Variants in TMEFF2 observed in about 807,000 individuals in gnomAD.
TMEFF2 encodes transmembrane protein with EGF like and two follistatin like domains 2, also known as tomoregulin-2.
A neutral mutation model predicts 53.8 loss-of-function variants in TMEFF2; 28 were observed. The observed-to-expected ratio is 0.52, with a 90% CI of 0.39 to 0.71. The LOEUF (loss-of-function observed/expected upper bound fraction) is 0.71, where lower values mean the gene tolerates loss of function less well. Among genes scored for constraint, TMEFF2 ranks in the 30% least tolerant of loss-of-function variants. The pLI is 0.00. For synonymous variants in TMEFF2, 162 were observed against 166.3 expected (o/e 0.97, Z 0.20); for missense variants, 353 against 455.2 (o/e 0.78, Z 2.04).
chr2:192,037,273 T>TAAAAGAAAGAAAGAAAG (rs568551324), intron 5 of TMEFF2, among the ~76,000 whole-genome samples: 38 of 94,764 alleles, frequency 4.0e-4, no homozygotes, highest in South Asian at 1.5e-3. Context: ...CTAGCCAAAA[T>TAAAAGAAAGAAAGAAAG]AAAGAAAGAA....
intron 7 of TMEFF2, among the ~76,000 whole-genome samples, chr2:191,960,375 C>G (rs907751118): frequency 2.0e-5 from 3 of 152,178 alleles, no homozygotes; most frequent in Non-Finnish European, 4.4e-5. Context: ...ATGGCTTTGA[C>G]AAAACAACAT....
chr2:192,160,421 T>C (rs908684570), intron 4 of TMEFF2, among the ~76,000 whole-genome samples: 11 of 152,084 alleles, frequency 7.2e-5, no homozygotes, highest in African/African-American at 2.4e-4. Flanking sequence ...ATTAGAAAAT[T>C]TGGCTTCTGG....
intron 4 of TMEFF2, among the ~76,000 whole-genome samples, chr2:192,128,255 C>T (rs1689725907): frequency 6.6e-6 from 1 of 152,066 alleles, no homozygotes; most frequent in African/African-American, 2.4e-5. Context: ...TCAGTTTTTC[C>T]AAATCTACTT....
chr2:192,060,910 T>A (rs577373893), intron 4 of TMEFF2, among the ~76,000 whole-genome samples: 3 of 152,252 alleles, frequency 2.0e-5, no homozygotes, highest in African/African-American at 7.2e-5. Flanking sequence ...ATTTGAGGGG[T>A]GAGGGAAATG....
chr2:191,952,460 T>G (rs1691914755), intron 9 of TMEFF2, among the ~76,000 whole-genome samples: 1 of 152,346 alleles, frequency 6.6e-6, no homozygotes, highest in African/African-American at 2.4e-5. Context: ...TAGTTTCCTA[T>G]GTTTTAGATT....
intron 5 of TMEFF2, chr2:192,030,685 T>C (rs1186541612): frequency 6.6e-6 from 1 of 152,042 alleles, no homozygotes; most frequent in East Asian, 1.9e-4. Context: ...AGTGAGGTGA[T>C]TATTAAGATA....
intron 4 of TMEFF2, among the ~76,000 whole-genome samples, chr2:192,095,139 GC>G (rs1688874637): frequency 6.6e-6 from 1 of 152,084 alleles, no homozygotes; most frequent in Non-Finnish European, 1.5e-5. Context: ...GTTATCCACA[GC>G]CAGCTTTCCT....
chr2:192,053,953 G>A (rs1411191874), intron 5 of TMEFF2, among the ~76,000 whole-genome samples: 2 of 151,960 alleles, frequency 1.3e-5, no homozygotes, highest in East Asian at 3.9e-4. Context: ...GAAAATCAAT[G>A]CACTTGTCAT....
intron 5 of TMEFF2, among the ~76,000 whole-genome samples, chr2:192,014,026 C>G (rs1686692967): frequency 6.6e-6 from 1 of 152,130 alleles, no homozygotes; most frequent in Non-Finnish European, 1.5e-5. Flanking sequence ...CTCCAATTAT[C>G]AAAAAGTATT....
In TMEFF2 at chr2:192,157,620, C is replaced by G. The variant is rs186679517; in HGVS notation, c.439+22048G>C. Among the ~76,000 whole-genome samples the G allele has an allele frequency of 6.6e-5, 10 of 152,032 alleles. No homozygotes were observed. The East Asian group carries it at 1.9e-3, about 29-fold the overall frequency. On this transcript the variant is annotated intron_variant, in intron 4 of 9. Coordinates refer to ENST00000272771, the MANE Select transcript of TMEFF2 (RefSeq NM_016192.4). ...TTTTTAATGTGAAAGCAAGACATCA[C>G]TTTGACACCACGTATGGCACTTCTA... is the stretch of plus-strand genomic sequence containing the variant.
chr2:192,173,692 T>C (rs984031207), intron 4 of TMEFF2, among the ~76,000 whole-genome samples: 2 of 151,834 alleles, frequency 1.3e-5, no homozygotes, highest in Non-Finnish European at 2.9e-5. Flanking sequence ...TTCCTCTGGA[T>C]GCATTTATCT....
chr2:191,950,598 T>A (rs954246648), intron 9 of TMEFF2, 191 bp from the exon 10 acceptor site: 2 of 796,800 alleles, frequency 2.5e-6, no homozygotes, highest in African/African-American at 3.5e-5. Flanking sequence ...TGTCTTTAAA[T>A]TTTTGTTGGG....
chr2:191,986,262 G>C (rs1685971407), intron 7 of TMEFF2, among the ~76,000 whole-genome samples: 1 of 152,164 alleles, frequency 6.6e-6, no homozygotes, highest in African/African-American at 2.4e-5. Flanking sequence ...CAAACAGTCA[G>C]TGTTTGGCTC....
intron 5 of TMEFF2, chr2:192,032,261 C>G (rs903590346): frequency 6.6e-6 from 1 of 152,178 alleles, no homozygotes; most frequent in African/African-American, 2.4e-5. Flanking sequence ...TGACTACATA[C>G]TTATTTCATT....
intron 4 of TMEFF2, among the ~76,000 whole-genome samples, chr2:192,164,839 T>G (rs1233848167): frequency 6.6e-6 from 1 of 152,222 alleles, no homozygotes; most frequent in African/African-American, 2.4e-5. Context: ...TGGGACTTTA[T>G]CTGTATCTCT....
intron 9 of TMEFF2, 85 bp downstream of exon 9, chr2:191,953,594 G>T: frequency 6.7e-7 from 1 of 1,491,740 alleles, no homozygotes. Context: ...AGTCCATGAA[G>T]GAACTCACCT....
At chr2:192,175,948 G>C (rs1231174850) in intron 4 of TMEFF2, among the ~76,000 whole-genome samples, 4 of 151,322 alleles carry the variant, frequency 2.6e-5, no homozygotes, top group Admixed American at 6.6e-5. Flanking sequence ...TAATATGACT[G>C]AAAGACTTAT....
intron 4 of TMEFF2, among the ~76,000 whole-genome samples, chr2:192,064,229 C>T (rs1013425367): frequency 1.3e-5 from 2 of 151,660 alleles, no homozygotes; most frequent in African/African-American, 2.4e-5. Flanking sequence ...TTAAGGATTA[C>T]AATATGTATC....
chr2:191,976,486 G>A (rs1368939456), intron 7 of TMEFF2, among the ~76,000 whole-genome samples: 1 of 152,200 alleles, frequency 6.6e-6, no homozygotes, highest in African/African-American at 2.4e-5. Context: ...CTTTGGCTTT[G>A]TTTTTATGGG....
Sources: gnomAD v4.1 joint callset for allele counts (sites outside exome capture counted in the v4.1 genomes callset) on GRCh38, gnomAD v4.1.1 for gene constraint, MANE v1.5 for transcripts, NCBI Gene and HGNC (gene_info 2026-07-23, HGNC 2026-07-21) for gene names.